Variants in FLNB observed in about 807,000 individuals in gnomAD.
FLNB encodes filamin B.
Under a neutral mutation model 250.6 loss-of-function variants are expected in FLNB, and 111 were observed. The ratio of observed to expected loss-of-function variants is 0.44; its 90% confidence interval spans 0.38 to 0.52. The LOEUF is 0.52. FLNB is among the 20% of genes least tolerant of loss of function. The pLI is 0.00. For missense variants in FLNB, 2,869 were observed against 3,447.8 expected (o/e 0.83, Z 4.20); for synonymous variants, 1,302 against 1,372.1 (o/e 0.95, Z 1.13).
rs748464201 is a variant in FLNB, at chr3:58,149,955, C to T, written c.6197C>T (p.Pro2066Leu). ...AAAGTCTCCTACTTCCCTACCGTGCCTGGGGTTTATATCGTCTCCACCAAA... is the reference window on the plus strand; with the variant it reads ...AAAGTCTCCTACTTCCCTACCGTGCTTGGGGTTTATATCGTCTCCACCAAA... ...TCKVSYFPTVPGVYIVSTKFA... is the reference protein window; with the variant it reads ...TCKVSYFPTVLGVYIVSTKFA... Residue 2066 changes from proline (P) to leucine (L), a missense_variant, in exon 37 of 46, where the codon CCT becomes CTT. This residue lies in a region of FLNB where 1,084 missense variants were observed against 1,315.5 expected (regional missense o/e 0.82). Transcript: ENST00000295956. 6.2e-7 allele frequency: 1 copy of T among 1,614,254 alleles called. No homozygotes were observed. The highest frequency in any genetic ancestry group is 8.5e-7 in the Non-Finnish European group (1 of 1,180,048).
At position 58,055,905 on chromosome 3, in the gene FLNB, AACT is replaced by A. The variant is rs765427559; in HGVS notation, c.293-21136_293-21134del. On this transcript the variant is annotated intron_variant, in intron 1 of 45. Coordinates refer to ENST00000295956, the MANE Select transcript of FLNB (RefSeq NM_001457.4). The stretch of plus-strand genomic sequence containing the variant: ...AACAAGATCTAACAGTGAGTCTAAG[AACT>A]ACTATAATTATCATGTAGCAATGGC... Among the ~76,000 whole-genome samples the A allele has an allele frequency of 1.9e-3, 286 of 152,242 alleles. 1 individual carries two copies. The highest frequency in any genetic ancestry group is 2.4e-3 in the Non-Finnish European group (166 of 68,008).
intron 28 of FLNB, 64 bp downstream of exon 28, chr3:58,136,232 C>T (rs549690842): frequency 2.3e-4 from 347 of 1,535,702 alleles, no homozygotes; most frequent in Admixed American, 3.1e-4. Flanking sequence ...GGGCCGTAGC[C>T]CTTCTCTGTG....
chr3:58,169,217 T>G lies in FLNB; in HGVS notation c.7418-373T>G. On this transcript the variant is annotated intron_variant, in intron 44 of 45. Coordinates refer to ENST00000295956, the MANE Select transcript of FLNB (RefSeq NM_001457.4). The surrounding 1 kb of genome is among the most constrained non-coding windows in gnomAD (Gnocchi z 4.8). ...CCTTTCTCATCCACAGAATCATTTT[T>G]TGATATTTCATTATATGTCATCCCA... 1 of 284,716 alleles carries G rather than the reference T, an allele frequency of 3.5e-6. No homozygotes were observed. The highest frequency in any genetic ancestry group is 4.4e-5 in the South Asian group (1 of 22,884). 17.6% of individuals were successfully genotyped at this position (284,716 alleles called of 1,614,324 possible).
At chr3:58,009,877 T>C (rs1335014933) in intron 1 of FLNB, among the ~76,000 whole-genome samples, 1 of 152,128 alleles carries the variant, frequency 6.6e-6, no homozygotes, top group Non-Finnish European at 1.5e-5. Flanking sequence ...GGATGAAGTC[T>C]CCCTTGTGGT....
chr3:58,030,321 A>G (rs545786273), intron 1 of FLNB, among the ~76,000 whole-genome samples: 3 of 152,230 alleles, frequency 2.0e-5, no homozygotes, highest in Non-Finnish European at 2.9e-5. Context: ...TCATGTCAGC[A>G]AGCCTAGATG....
chr3:58,080,279 T>A (rs2097207330), intron 3 of FLNB, among the ~76,000 whole-genome samples: 1 of 152,210 alleles, frequency 6.6e-6, no homozygotes, highest in South Asian at 2.1e-4. Context: ...ATGGTTAACC[T>A]GGTCCATGAG....
intron 1 of FLNB, among the ~76,000 whole-genome samples, chr3:58,056,092 TA>T (rs2097169911): frequency 2.3e-5 from 3 of 132,056 alleles, no homozygotes; most frequent in African/African-American, 1.2e-4. Flanking sequence ...TTTATTTATT[TA>T]TTTATTTATT....
intron 1 of FLNB, among the ~76,000 whole-genome samples, chr3:58,064,641 C>T (rs1422334552): frequency 6.6e-6 from 1 of 151,958 alleles, no homozygotes; most frequent in East Asian, 1.9e-4. Context: ...AAGGAGTTAC[C>T]TGAGAATAGC....
At chr3:58,099,191 G>A (rs1204113571) in intron 8 of FLNB, among the ~76,000 whole-genome samples, 2 of 152,134 alleles carry the variant, frequency 1.3e-5, no homozygotes, top group Non-Finnish European at 1.5e-5. Context: ...GAGGGAGGTG[G>A]GACTGAGGCA....
At chr3:58,016,706 T>G (rs566769268) in intron 1 of FLNB, among the ~76,000 whole-genome samples, 1 of 152,276 alleles carries the variant, frequency 6.6e-6, no homozygotes, top group East Asian at 1.9e-4. Flanking sequence ...TTTTTCTTTT[T>G]TCCATATTCT....
At chr3:58,143,688 C>T (rs939022514) in intron 32 of FLNB, 75 bp downstream of exon 32, 8 of 1,573,780 alleles carry the variant, frequency 5.1e-6, no homozygotes, top group East Asian at 4.5e-5. Context: ...ACTCCTCAGC[C>T]GCTTTGCAGG....
chr3:58,050,776 C>T (rs919630323), intron 1 of FLNB, among the ~76,000 whole-genome samples: 1 of 152,224 alleles, frequency 6.6e-6, no homozygotes, highest in Non-Finnish European at 1.5e-5. Context: ...GTGGCTGAGA[C>T]AGGTCCTCTG....
intron 1 of FLNB, among the ~76,000 whole-genome samples, chr3:58,076,468 T>C (rs2097201814): frequency 6.6e-6 from 1 of 152,148 alleles, no homozygotes; most frequent in Admixed American, 6.5e-5. Context: ...TTTCTTTCAA[T>C]TTTTGAGACA....
In FLNB at chr3:58,050,907, C is replaced by T. The variant is rs931981317; in HGVS notation, c.293-26139C>T. The stretch of plus-strand genomic sequence containing the variant: ...AATGGGGTAATATTTGTTCCTATTG[C>T]GGGTGAAGCGCTGCTGTTGGGATGC... On this transcript the variant is annotated intron_variant, in intron 1 of 45. Transcript: ENST00000295956. 2.0e-5 allele frequency among the ~76,000 whole-genome samples: 3 copies of T among 152,192 alleles called. 1 individual carries two copies. The highest frequency in any genetic ancestry group is 4.1e-4 in the South Asian group (2 of 4,832).
At chr3:58,093,830 A>G (rs2097232826) in intron 4 of FLNB, among the ~76,000 whole-genome samples, 1 of 152,206 alleles carries the variant, frequency 6.6e-6, no homozygotes, top group African/African-American at 2.4e-5. Flanking sequence ...AACCTGGGTG[A>G]ACCTGTAGAC....
chr3:58,155,902 C>A, intron 40 of FLNB, 58 bp from the exon 41 acceptor site: 1 of 1,226,434 alleles, frequency 8.2e-7, no homozygotes, highest in Non-Finnish European at 1.2e-6. Context: ...TGGTGAGAAG[C>A]AAGAGTCCAC....
At chr3:58,024,562 C>T (rs551266437) in intron 1 of FLNB, among the ~76,000 whole-genome samples, 1 of 152,102 alleles carries the variant, frequency 6.6e-6, no homozygotes, top group South Asian at 2.1e-4. Flanking sequence ...GGGAATACTC[C>T]CAGAAATAGG....
chr3:58,167,841 G>A (rs577776682), intron 43 of FLNB, among the ~76,000 whole-genome samples: 1 of 152,242 alleles, frequency 6.6e-6, no homozygotes, highest in Non-Finnish European at 1.5e-5. Context: ...ACCTGGAGCC[G>A]GAGTGGGGTA....
chr3:58,045,999 CAAAAAAAAA>C (rs34327981), intron 1 of FLNB, among the ~76,000 whole-genome samples: 5 of 68,972 alleles, frequency 7.2e-5, no homozygotes, highest in South Asian at 8.0e-4. Context: ...ACTCCGTCTC[CAAAAAAAAA>C]AAAAAAAAAA....
Sources: gnomAD v4.1 joint callset for allele counts (sites outside exome capture counted in the v4.1 genomes callset) on GRCh38, gnomAD v4.1.1 for gene constraint, gnomAD v4.1.1 regional missense constraint, Gnocchi (gnomAD v3.1) non-coding constraint, MANE v1.5 for transcripts, NCBI Gene and HGNC (gene_info 2026-07-23, HGNC 2026-07-21) for gene names.